The following RAP1GAP2 variants were observed in gnomAD, a reference collection of about 807,000 sequenced individuals.
RAP1GAP2 encodes RAP1 GTPase activating protein 2, also known as rap1 GTPase-activating protein 2.
A neutral mutation model predicts 95.0 loss-of-function variants in RAP1GAP2; 27 were observed. That is an observed-to-expected ratio of 0.28 (90% confidence interval 0.21 to 0.39). The LOEUF (loss-of-function observed/expected upper bound fraction) is 0.39. RAP1GAP2 is among the 10% of genes least tolerant of loss of function. RAP1GAP2 has a pLI of 1.00. For synonymous variants in RAP1GAP2, 373 were observed against 380.9 expected (o/e 0.98, Z 0.24); for missense variants, 771 against 970.0 (o/e 0.79, Z 2.72).
At chr17:2,911,285 C>G (rs998728648) in intron 3 of RAP1GAP2, among the ~76,000 whole-genome samples, 1 of 100,920 alleles carries the variant, frequency 9.9e-6, no homozygotes, top group African/African-American at 5.5e-5. Flanking sequence ...TAATATGAAG[C>G]TGATAAAAAG....
chr17:2,987,653 A>C (rs1033937874), intron 11 of RAP1GAP2, among the ~76,000 whole-genome samples: 3 of 152,086 alleles, frequency 2.0e-5, no homozygotes, highest in African/African-American at 7.2e-5. Context: ...GAGCCACTGC[A>C]CCCAGCAACA....
intron 3 of RAP1GAP2, among the ~76,000 whole-genome samples, chr17:2,927,716 C>T (rs1025356500): frequency 1.3e-5 from 2 of 152,216 alleles, no homozygotes; most frequent in South Asian, 2.1e-4. Context: ...AAGGACCCAC[C>T]TTCATGGGCT....
chr17:2,755,993 C>CG (rs2071133890), intron 1 of RAP1GAP2, among the ~76,000 whole-genome samples: 1 of 152,138 alleles, frequency 6.6e-6, no homozygotes, highest in Non-Finnish European at 1.5e-5. Flanking sequence ...AGATGGGCGA[C>CG]GGGGACCCTG....
In RAP1GAP2 at chr17:2,857,316, C is replaced by T. The variant is rs939014649; in HGVS notation, c.81-47968C>T. On this transcript the variant is annotated intron_variant, in intron 2 of 24. Transcript: ENST00000254695. The surrounding 1 kb of genome is among the most constrained non-coding windows in gnomAD (Gnocchi z 4.0). ...TCATCCTCCTGCTCTCTCCAGGCCACTTGGAAATATTGCGTATTAGGGGAC... is the reference window on the plus strand; with the variant it reads ...TCATCCTCCTGCTCTCTCCAGGCCATTTGGAAATATTGCGTATTAGGGGAC... Among the ~76,000 whole-genome samples, 34 of 152,164 alleles carry T rather than the reference C, an allele frequency of 2.2e-4. No homozygotes were observed. Among genetic ancestry groups the T allele is most frequent in the African/African-American group, 7.0e-4 (29 of 41,438 alleles).
intron 3 of RAP1GAP2, among the ~76,000 whole-genome samples, chr17:2,909,857 T>G (rs1331624873): frequency 6.6e-6 from 1 of 151,852 alleles, no homozygotes; most frequent in Non-Finnish European, 1.5e-5. Context: ...GGTCCTTCTG[T>G]GGTTGGGGTT....
At chr17:2,863,968 C>T (rs1038689681) in intron 2 of RAP1GAP2, among the ~76,000 whole-genome samples, 1 of 152,064 alleles carries the variant, frequency 6.6e-6, no homozygotes, top group East Asian at 1.9e-4. Context: ...AGGAGAATCG[C>T]TTGAACCCGG....
rs36041521 is a variant in RAP1GAP2 at position 2,832,220 on chromosome 17, A to AC, written c.80+31671dup. 2.8e-4 allele frequency among the ~76,000 whole-genome samples: 41 copies of AC among 148,438 alleles called. 1 individual carries two copies. The highest frequency in any genetic ancestry group is 5.5e-4 in the Non-Finnish European group (37 of 66,952). ...CTCTGTCTCCAAAAAAAAAAAGAAA[A>AC]CAAAAAAACCCAAATCATTTTCCTT... is the stretch of plus-strand genomic sequence containing the variant. On this transcript the variant is annotated intron_variant, in intron 2 of 24. Transcript: ENST00000254695.
At chr17:2,916,595 C>T (rs537870374) in intron 3 of RAP1GAP2, among the ~76,000 whole-genome samples, 29 of 152,238 alleles carry the variant, frequency 1.9e-4, no homozygotes, top group South Asian at 1.2e-3. Context: ...TTCAACAGGT[C>T]GCTTCATCTC....
chr17:2,841,717 C>CAGGAA (rs2071381257), intron 2 of RAP1GAP2, among the ~76,000 whole-genome samples: 1 of 152,172 alleles, frequency 6.6e-6, no homozygotes, highest in Non-Finnish European at 1.5e-5. Context: ...GGCTGGGGCT[C>CAGGAA]AGTGTCATCT....
At position 2,936,214 on chromosome 17, in the gene RAP1GAP2, G is replaced by A. The variant is rs149683288; in HGVS notation, c.166-21545G>A. Among the ~76,000 whole-genome samples, 821 of 148,460 alleles carry A rather than the reference G, an allele frequency of 5.5e-3. 12 individuals carry two copies. Among genetic ancestry groups the A allele is most frequent in the African/African-American group, 0.019 (779 of 40,308 alleles). On this transcript the variant is annotated intron_variant, in intron 3 of 24. Transcript: ENST00000254695. Reference sequence around the variant, plus strand: ...GTTGGTGTGCTGCACCCATTAACTCGTCATTTAGCATTAGGTATGTCTCCT... The same window carrying A: ...GTTGGTGTGCTGCACCCATTAACTCATCATTTAGCATTAGGTATGTCTCCT...
In RAP1GAP2 at chr17:2,906,928, T is replaced by A. The variant is rs571183894; in HGVS notation, c.165+1560T>A. Among the ~76,000 whole-genome samples the A allele has an allele frequency of 3.9e-5, 6 of 152,226 alleles. No individual in the cohort carries two copies. Among genetic ancestry groups the A allele is most frequent in the Admixed American group, 1.3e-4 (2 of 15,294 alleles). On this transcript the variant is annotated intron_variant, in intron 3 of 24. Coordinates refer to ENST00000254695, the MANE Select transcript of RAP1GAP2 (RefSeq NM_015085.5). The surrounding 1 kb of genome is among the most constrained non-coding windows in gnomAD (Gnocchi z 4.3). ...TAGTCATAAAAGGGTATTTTTTGCC[T>A]TTGTAATTGCAAGCATAGACGGCAG...
At chr17:2,758,489 G>A (rs145220710) in intron 1 of RAP1GAP2, among the ~76,000 whole-genome samples, 9 of 152,148 alleles carry the variant, frequency 5.9e-5, no homozygotes, top group Non-Finnish European at 1.2e-4. Flanking sequence ...ATCATTTTTA[G>A]TGCCGTAATT....
intron 4 of RAP1GAP2, among the ~76,000 whole-genome samples, chr17:2,959,480 G>C (rs2044233829): frequency 6.6e-6 from 1 of 152,190 alleles, no homozygotes; most frequent in African/African-American, 2.4e-5. Flanking sequence ...AGCCTCAGAG[G>C]GTTCACTCTT....
chr17:2,983,287 C>T lies in RAP1GAP2; in HGVS notation c.730-1696C>T, dbSNP rs560113877. 4.6e-5 allele frequency among the ~76,000 whole-genome samples: 7 copies of T among 151,788 alleles called. No individual in the cohort carries two copies. In the East Asian group the frequency reaches 1.4e-3, roughly 29 times the overall value. ...CGCTGTCCTTCAAATCTAAGTTGTG[C>T]AAAGTGACCAGAAAGTGTGCCACGG... On this transcript the variant is annotated intron_variant, in intron 10 of 24. Coordinates refer to ENST00000254695, the MANE Select transcript of RAP1GAP2 (RefSeq NM_015085.5).
intron 1 of RAP1GAP2, chr17:2,777,373 T>A (rs1487964685): frequency 6.6e-6 from 1 of 152,224 alleles, no homozygotes; most frequent in African/African-American, 2.4e-5. Flanking sequence ...CCCCATCCCA[T>A]CCTCGCTCCA....
chr17:2,953,717 C>T (rs915694940), intron 3 of RAP1GAP2, among the ~76,000 whole-genome samples: 2 of 152,072 alleles, frequency 1.3e-5, no homozygotes, highest in East Asian at 3.9e-4. Context: ...CATGGGGGCG[C>T]ATGCCTGTAA....
chr17:2,759,301 GAC>G (rs1007889832), intron 1 of RAP1GAP2, among the ~76,000 whole-genome samples: 4 of 151,910 alleles, frequency 2.6e-5, no homozygotes, highest in African/African-American at 9.7e-5. Context: ...TATTTTTTGA[GAC>G]AGAATCTTGC....
intron 2 of RAP1GAP2, among the ~76,000 whole-genome samples, chr17:2,876,067 G>A (rs9897014): frequency 0.014 from 2,110 of 151,390 alleles, 49 homozygotes; most frequent in African/African-American, 0.048. Context: ...CCTCCCGAGT[G>A]GCTGGGACTA....
chr17:2,925,193 A>G (rs1411009881), intron 3 of RAP1GAP2, among the ~76,000 whole-genome samples: 2 of 152,170 alleles, frequency 1.3e-5, no homozygotes, highest in Non-Finnish European at 2.9e-5. Context: ...TGAAGACATA[A>G]TGGCCGTGAG....
Sources: allele counts gnomAD v4.1 joint callset (sites outside exome capture counted in the v4.1 genomes callset), GRCh38; gene constraint gnomAD v4.1.1; non-coding constraint Gnocchi (gnomAD v3.1); transcripts MANE v1.5; gene names NCBI Gene and HGNC (gene_info 2026-07-23, HGNC 2026-07-21).